The following DYNC1I1 variants were observed in gnomAD, a reference collection of about 807,000 sequenced individuals.
The protein encoded by DYNC1I1 is cytoplasmic dynein 1 intermediate chain 1.
In DYNC1I1, 43 loss-of-function variants were observed where a neutral mutation model predicts 86.6. The ratio of observed to expected loss-of-function variants is 0.50; its 90% CI spans 0.39 to 0.64. The LOEUF (loss-of-function observed/expected upper bound fraction) is 0.64, where lower values mean the gene tolerates loss of function less well. Ranked by LOEUF, DYNC1I1 falls within the 30% of genes least tolerant of loss-of-function variation. The pLI, the probability that DYNC1I1 is intolerant of heterozygous loss-of-function variation, is 0.00. For missense variants in DYNC1I1, 604 were observed against 788.8 expected, an observed-to-expected ratio of 0.77 and a Z score of 2.81; for synonymous variants, 262 against 283.7, an observed-to-expected ratio of 0.92 and a Z score of 0.77.
chr7:95,930,872 G>T (rs1025229859), intron 6 of DYNC1I1, among the ~76,000 whole-genome samples: 1 of 152,186 alleles, frequency 6.6e-6, no homozygotes, highest in African/African-American at 2.4e-5. Flanking sequence ...GCTTTTCAGA[G>T]TGGGATTCTG....
chr7:96,079,107 G>C (rs1022867679), intron 15 of DYNC1I1, among the ~76,000 whole-genome samples: 1 of 151,948 alleles, frequency 6.6e-6, no homozygotes, highest in African/African-American at 2.4e-5. Flanking sequence ...TCAAGATTAA[G>C]TTTAAACATA....
intron 6 of DYNC1I1, among the ~76,000 whole-genome samples, chr7:95,944,450 G>T (rs1427960501): frequency 6.6e-6 from 1 of 152,206 alleles, no homozygotes; most frequent in African/African-American, 2.4e-5. Context: ...TTCAACCATT[G>T]TGGAAGTCAG....
At position 95,970,189 on chromosome 7, in the gene DYNC1I1, G is replaced by C. The variant is rs535255366; in HGVS notation, c.491-7323G>C. Among the ~76,000 whole-genome samples, 14 of 152,236 alleles carry C rather than the reference G, an allele frequency of 9.2e-5. No homozygotes were observed. In the East Asian group the frequency reaches 2.7e-3, roughly 29 times the overall value. On this transcript the variant is annotated intron_variant, in intron 6 of 16. Transcript: ENST00000447467. The stretch of plus-strand genomic sequence containing the variant: ...CTCACTGTCTGCTATACAAATACAT[G>C]TCTAAATTCACAGTCTGATTCATCA...
intron 5 of DYNC1I1, among the ~76,000 whole-genome samples, chr7:95,831,231 T>A (rs1584260086): frequency 6.6e-6 from 1 of 152,234 alleles, no homozygotes; most frequent in African/African-American, 2.4e-5. Flanking sequence ...TTTTGACTAA[T>A]TACAGTTTAC....
chr7:95,938,038 T>C (rs1300104718), intron 6 of DYNC1I1, among the ~76,000 whole-genome samples: 1 of 152,126 alleles, frequency 6.6e-6, no homozygotes, highest in Non-Finnish European at 1.5e-5. Context: ...CACTTCTTCC[T>C]TTTGGTGCCT....
At chr7:95,870,826 G>A (rs1790143811) in intron 6 of DYNC1I1, among the ~76,000 whole-genome samples, 2 of 152,242 alleles carry the variant, frequency 1.3e-5, no homozygotes, top group African/African-American at 4.8e-5. Flanking sequence ...AAAAGCAGAA[G>A]AGGGAGATGT....
intron 10 of DYNC1I1, among the ~76,000 whole-genome samples, chr7:96,013,030 C>T (rs770115699): frequency 2.6e-5 from 4 of 151,992 alleles, no homozygotes; most frequent in Non-Finnish European, 1.5e-5. Context: ...GTACACTGCT[C>T]AGGTGATGGG....
intron 5 of DYNC1I1, among the ~76,000 whole-genome samples, chr7:95,867,193 G>A (rs376145761): frequency 1.1e-4 from 16 of 152,228 alleles, no homozygotes; most frequent in African/African-American, 3.9e-4. Context: ...TTTAATGTAG[G>A]ACACTCCTAA....
intron 10 of DYNC1I1, among the ~76,000 whole-genome samples, chr7:96,026,445 T>C (rs1379847714): frequency 1.3e-5 from 2 of 152,244 alleles, no homozygotes; most frequent in Middle Eastern, 3.4e-3. Context: ...GTTTTTTTGT[T>C]ACTACTTTGC....
At chr7:96,016,976 C>G (rs1266041850) in intron 10 of DYNC1I1, among the ~76,000 whole-genome samples, 1 of 152,160 alleles carries the variant, frequency 6.6e-6, no homozygotes, top group African/African-American at 2.4e-5. Flanking sequence ...TCAGAAACCC[C>G]AAACATTTCT....
rs181384453 is a variant in DYNC1I1 at position 95,875,075 on chromosome 7, C to G, written c.490+5077C>G. On this transcript the variant is annotated intron_variant, in intron 6 of 16. Transcript: ENST00000447467. ...CCTCAAGGGAGTCCATTAGCCAGGA[C>G]TAGGTTACATGCCCCTGTGTCAGCT... Among the ~76,000 whole-genome samples the G allele has an allele frequency of 2.0e-5, 3 of 152,310 alleles. No homozygotes were observed. The East Asian group carries it at 5.8e-4, about 29-fold the overall frequency.
chr7:95,800,995 C>T (rs1210460986), intron 1 of DYNC1I1, among the ~76,000 whole-genome samples: 1 of 152,208 alleles, frequency 6.6e-6, no homozygotes, highest in Non-Finnish European at 1.5e-5. Context: ...TTTAATGCTA[C>T]TATTTAAGCC....
chr7:95,934,634 C>A (rs549367066), intron 6 of DYNC1I1, among the ~76,000 whole-genome samples: 12 of 152,148 alleles, frequency 7.9e-5, no homozygotes, highest in South Asian at 2.1e-4. Flanking sequence ...AAAGAACTCC[C>A]AGAACTGGAA....
chr7:96,013,597 T>C (rs1036623950), intron 10 of DYNC1I1, among the ~76,000 whole-genome samples: 2 of 152,180 alleles, frequency 1.3e-5, no homozygotes, highest in Non-Finnish European at 2.9e-5. Flanking sequence ...TAGCTGGGAC[T>C]ACAGGCATGT....
At chr7:95,994,172 A>G (rs1793800961) in intron 9 of DYNC1I1, among the ~76,000 whole-genome samples, 1 of 152,178 alleles carries the variant, frequency 6.6e-6, no homozygotes, top group African/African-American at 2.4e-5. Flanking sequence ...AAGCCTTTCT[A>G]TTGAGCACAG....
intron 6 of DYNC1I1, among the ~76,000 whole-genome samples, chr7:95,952,644 C>T (rs759696834): frequency 2.0e-5 from 3 of 152,136 alleles, no homozygotes; most frequent in Non-Finnish European, 4.4e-5. Flanking sequence ...CACAGTCTGT[C>T]TATTTTGAAG....
At position 96,048,617 on chromosome 7, in the gene DYNC1I1, A is replaced by G. The variant is rs1789292704; in HGVS notation, c.1509+9196A>G. 2.6e-5 allele frequency among the ~76,000 whole-genome samples: 4 copies of G among 152,144 alleles called. No homozygotes were observed. The South Asian group carries it at 8.3e-4, about 31-fold the overall frequency. ...ATGCCCTAAACCACCGTAAAGTTCT[A>G]TTTCAAACATCCCATCCTACAGAGC... is the stretch of plus-strand genomic sequence containing the variant. On this transcript the variant is annotated intron_variant, in intron 14 of 16. Coordinates refer to ENST00000447467, the MANE Select transcript of DYNC1I1 (RefSeq NM_001135556.2).
intron 6 of DYNC1I1, among the ~76,000 whole-genome samples, chr7:95,875,978 T>C (rs1364940381): frequency 1.3e-5 from 2 of 150,988 alleles, no homozygotes; most frequent in African/African-American, 4.8e-5. Context: ...GCATACTGAC[T>C]CTCGCTTTGG....
At chr7:95,868,760 A>G (rs921181650) in intron 5 of DYNC1I1, among the ~76,000 whole-genome samples, 3 of 152,214 alleles carry the variant, frequency 2.0e-5, no homozygotes, top group African/African-American at 4.8e-5. Context: ...TATGTGGTAC[A>G]TAGACATTAC....
Sources: allele counts gnomAD v4.1 joint callset (sites outside exome capture counted in the v4.1 genomes callset), GRCh38; gene constraint gnomAD v4.1.1; transcripts MANE v1.5; gene names NCBI Gene and HGNC (gene_info 2026-07-23, HGNC 2026-07-21).